Variants in IRX3 observed in about 807,000 individuals in gnomAD.
IRX3 encodes the protein iroquois-class homeodomain protein IRX-3.
In IRX3, 20 loss-of-function variants were observed where a neutral mutation model predicts 36.4. That is an observed-to-expected ratio of 0.55 (90% confidence interval 0.39 to 0.80). The LOEUF is 0.80. Among genes scored for constraint, IRX3 ranks in the 30% least tolerant of loss-of-function variants. The pLI, the probability that IRX3 is intolerant of heterozygous loss-of-function variation, is 0.00. For synonymous variants in IRX3, 404 were observed against 351.6 expected, an observed-to-expected ratio of 1.15 and a Z score of -1.67; for missense variants, 718 against 733.2, an observed-to-expected ratio of 0.98 and a Z score of 0.24.
In IRX3 at chr16:54,284,879, G is replaced by C. The variant is rs1271489658; in HGVS notation, c.1002C>G (p.Cys334Trp). 1 of 1,554,860 alleles carries C rather than the reference G, an allele frequency of 6.4e-7. No individual in the cohort carries two copies. Among genetic ancestry groups the C allele is most frequent in the Non-Finnish European group, 8.7e-7 (1 of 1,152,394 alleles). The change falls in exon 2 of 4, where the codon TGC becomes TGG. Residue 334 changes from cysteine to tryptophan, a missense_variant. By Grantham distance (215) the Cys-to-Trp change is radical (BLOSUM62 -2). Coordinates refer to ENST00000329734, the MANE Select transcript of IRX3 (RefSeq NM_024336.3). This position sits in a 1 kb window ranked among gnomAD's most constrained non-coding sequence, Gnocchi z 4.0. ...LPSPPVSLDP[C>W]APAPAPASAL... ...CGGAGGCGGGGGCTGGTGCGGGAGC[G>C]CAGGGGTCCAGGCTCACGGGGGGCG...
rs779557071 is a variant in IRX3 at position 54,284,623 on chromosome 16, G to A, written c.1258C>T (p.Pro420Ser). 11 of 1,376,162 alleles carry A rather than the reference G, an allele frequency of 8.0e-6. No homozygotes were observed. In the African/African-American group the frequency reaches 1.5e-4, roughly 19 times the overall value. The allele number at this position is 1,376,162 out of a possible 1,614,324, so 85.2% of individuals were successfully genotyped here. Reference protein sequence around the residue: ...NRPFPGPPPGPRLHPLSLLGS... With the variant: ...NRPFPGPPPGSRLHPLSLLGS... ...AGCAGGGAGAGCGGGTGCAGGCGGG[G>A]GCCGGGCGGTGGGCCTGGAAACGGC... is the stretch of plus-strand genomic sequence containing the variant. Residue 420 changes from proline (P) to serine (S), a missense_variant, in exon 2 of 4, where the codon CCC becomes TCC. Transcript: ENST00000329734. This position sits in a 1 kb window ranked among gnomAD's most constrained non-coding sequence, Gnocchi z 4.0.
Position 54,283,520 on chromosome 16 carries a change from G to A in IRX3, c.*166C>T. ...CAGAAGCGACTTGGGGAGGGCTGAG[G>A]AGGACTGGTTTTATTTCTTTTTCTT... On this transcript the variant is annotated 3_prime_UTR_variant, in exon 4 of 4. Transcript: ENST00000329734. The surrounding 1 kb of genome is among the most constrained non-coding windows in gnomAD (Gnocchi z 4.4). 1.8e-6 allele frequency: 1 copy of A among 544,832 alleles called. No homozygotes were observed. 33.7% of individuals were successfully genotyped at this position (544,832 alleles called of 1,614,324 possible).
In IRX3 at chr16:54,286,446, G is replaced by C. The variant is rs1006888793; in HGVS notation, c.-396C>G. The C allele has an allele frequency of 3.2e-6, 3 of 949,460 alleles. No homozygotes were observed. Among genetic ancestry groups the C allele is most frequent in the Non-Finnish European group, 3.8e-6 (3 of 797,322 alleles). The allele number at this position is 949,460 out of a possible 1,614,324, so 58.8% of individuals were successfully genotyped here. On this transcript the variant is annotated 5_prime_UTR_variant, in exon 1 of 4. Coordinates refer to ENST00000329734, the MANE Select transcript of IRX3 (RefSeq NM_024336.3). ...GCCTCGCTTCCTTCGCCCTCCTCTA[G>C]TTTTCACTCCCCCTCCTCGCCCTTC...
In IRX3 at chr16:54,285,461, G is replaced by T. The variant is rs1901304563; in HGVS notation, c.420C>A (p.Ser140Arg). The change falls in exon 2 of 4, where the codon AGC (serine) becomes AGA (arginine). Residue 140 changes from serine (S) to arginine (R), a missense_variant. Transcript: ENST00000329734. This position sits in a 1 kb window ranked among gnomAD's most constrained non-coding sequence, Gnocchi z 5.7. ...GCTCGTTGAGCCAGGCCTTCAGCGTGCTGGTGCTCTCCCTGGTGGCGTTCT... is the reference window on the plus strand; with the variant it reads ...GCTCGTTGAGCCAGGCCTTCAGCGTTCTGGTGCTCTCCCTGGTGGCGTTCT... The part of the protein sequence containing the change: ...RPKNATREST[S>R]TLKAWLNEHR... 1 of 1,614,050 alleles carries T rather than the reference G, an allele frequency of 6.2e-7. No homozygotes were observed. Among genetic ancestry groups the T allele is most frequent in the Non-Finnish European group, 8.5e-7 (1 of 1,180,044 alleles).
rs1228976878 is a variant in IRX3, at chr16:54,285,763, C to T, written c.267+21G>A. On this transcript the variant is annotated intron_variant, in intron 1 of 3. Transcript: ENST00000329734. The surrounding 1 kb of genome is among the most constrained non-coding windows in gnomAD (Gnocchi z 5.7). ...GCGCCCCAGCGCCAACCCCTCCTTC[C>T]CTGGCTCCGCGGGCTCTTACCAGCT... 1.3e-6 allele frequency: 2 copies of T among 1,520,228 alleles called. No homozygotes were observed. Among genetic ancestry groups the T allele is most frequent in the Admixed American group, 4.3e-5 (2 of 46,078 alleles). The allele number at this position is 1,520,228 out of a possible 1,614,324, so 94.2% of individuals were successfully genotyped here. A position where few individuals can be genotyped will look rare whatever the true frequency, so the allele number is the denominator to read the frequency against.
Position 54,284,704 on chromosome 16 carries a change from C to A in IRX3, c.1177G>T (p.Ala393Ser). The change falls in exon 2 of 4, where the codon GCC becomes TCC. Residue 393 changes from alanine to serine, a missense_variant. Physicochemically the swap from Ala to Ser is moderately conservative, Grantham distance 99. Coordinates refer to ENST00000329734, the MANE Select transcript of IRX3 (RefSeq NM_024336.3). This position sits in a 1 kb window ranked among gnomAD's most constrained non-coding sequence, Gnocchi z 4.0. ...GGCGCTGAGACCAGTCTGTGAGCGG[C>A]GGCGGCGGCGGCGGCCGGAGAGAGC... is the stretch of plus-strand genomic sequence containing the variant. Reference protein sequence around the residue: ...LQLSPAAAAAAAHRLVSAPLG... With the variant: ...LQLSPAAAAASAHRLVSAPLG... The A allele has an allele frequency of 7.0e-7, 1 of 1,422,992 alleles. No individual in the cohort carries two copies. Among genetic ancestry groups the A allele is most frequent in the Non-Finnish European group, 9.1e-7 (1 of 1,101,388 alleles). The allele number at this position is 1,422,992 out of a possible 1,614,324, so 88.1% of individuals were successfully genotyped here.
Position 54,284,805 on chromosome 16 carries a change from G to C in IRX3, c.1076C>G (p.Pro359Arg), listed in dbSNP as rs1439038025. 4.0e-6 allele frequency: 6 copies of C among 1,484,920 alleles called. No individual in the cohort carries two copies. The African/African-American group carries it at 4.3e-5, about 11-fold the overall frequency. 92.0% of individuals were successfully genotyped at this position (1,484,920 alleles called of 1,614,324 possible). ...IWSLAETATS[P>R]DNPRRSPPGA... Reference sequence around the variant, plus strand: ...GGGAGGCGAGCGGCGCGGGTTGTCCGGGCTTGTGGCAGTCTCCGCGAGGGA... The same window carrying C: ...GGGAGGCGAGCGGCGCGGGTTGTCCCGGCTTGTGGCAGTCTCCGCGAGGGA... The change falls in exon 2 of 4, where the codon CCG (proline) becomes CGG (arginine). Residue 359 changes from proline to arginine, a missense_variant. By Grantham distance (103) the Pro-to-Arg change is moderately radical (BLOSUM62 -2). Coordinates refer to ENST00000329734, the MANE Select transcript of IRX3 (RefSeq NM_024336.3). This position sits in a 1 kb window ranked among gnomAD's most constrained non-coding sequence, Gnocchi z 4.0.
In IRX3 at chr16:54,285,340, C is replaced by T; in HGVS notation, c.541G>A (p.Ala181Thr). ...LTQVSTWFAN[A>T]RRRLKKENKM... ...TTCTCCTTCTTGAGGCGCCGGCGCG[C>T]GTTGGCGAACCAGGTGGACACCTGG... The change falls in exon 2 of 4, where the codon GCG becomes ACG. Residue 181 changes from alanine to threonine, a missense_variant. Physicochemically the swap from Ala to Thr is moderately conservative, Grantham distance 58. Transcript: ENST00000329734. The surrounding 1 kb of genome is among the most constrained non-coding windows in gnomAD (Gnocchi z 5.7). 6.2e-7 allele frequency: 1 copy of T among 1,614,164 alleles called. No individual in the cohort carries two copies. Among genetic ancestry groups the T allele is most frequent in the Non-Finnish European group, 8.5e-7 (1 of 1,180,038 alleles).
chr16:54,285,199 G>A lies in IRX3; in HGVS notation c.682C>T (p.Leu228=), dbSNP rs747393408. Residue 228 remains leucine, a synonymous_variant, in exon 2 of 4, where the codon CTG becomes TTG. Transcript: ENST00000329734. This position sits in a 1 kb window ranked among gnomAD's most constrained non-coding sequence, Gnocchi z 5.7. ...TCCCCCCCGAGCTCCTCCTCCTCCA[G>A]CTCTAGCTCGCGTTTGCCGTCCTCC... ...DEEDGKRELE[L]EEEELGGEEE... 4 of 1,601,266 alleles carry A rather than the reference G, an allele frequency of 2.5e-6. No homozygotes were observed. The South Asian group carries it at 4.4e-5, about 18-fold the overall frequency.
In IRX3 at chr16:54,283,899, T is replaced by C; in HGVS notation, c.1452-159A>G. 1 of 985,252 alleles carries C rather than the reference T, an allele frequency of 1.0e-6. No individual in the cohort carries two copies. Among genetic ancestry groups the C allele is most frequent in the Non-Finnish European group, 1.2e-6 (1 of 829,882 alleles). The allele number at this position is 985,252 out of a possible 1,614,324, so 61.0% of individuals were successfully genotyped here. ...AGATGTGTGTGTTGGGGTTTAACTG[T>C]AGGGTGGGCACGAGGCGTCAGGACC... On this transcript the variant is annotated intron_variant, in intron 3 of 3. Transcript: ENST00000329734. The surrounding 1 kb of genome is among the most constrained non-coding windows in gnomAD (Gnocchi z 4.4).
chr16:54,285,071 C>G lies in IRX3; in HGVS notation c.810G>C (p.Leu270=). Reference sequence around the variant, plus strand: ...CGCCATCCCTGCGCGCCGCCCCAGCCAGGGACAGCTCAGGCTCGGTGGCCG... The same window carrying G: ...CGCCATCCCTGCGCGCCGCCCCAGCGAGGGACAGCTCAGGCTCGGTGGCCG... The part of the protein sequence containing the change: ...DGAATEPELS[L]AGAARRDGDL... Residue 270 remains leucine (L), a synonymous_variant, in exon 2 of 4, where the codon CTG becomes CTC. Coordinates refer to ENST00000329734, the MANE Select transcript of IRX3 (RefSeq NM_024336.3). The surrounding 1 kb of genome is among the most constrained non-coding windows in gnomAD (Gnocchi z 5.7). 6.2e-7 allele frequency: 1 copy of G among 1,613,940 alleles called. No individual in the cohort carries two copies. Among genetic ancestry groups the G allele is most frequent in the Non-Finnish European group, 8.5e-7 (1 of 1,179,984 alleles).
chr16:54,284,804 C>G lies in IRX3; in HGVS notation c.1077G>C (p.Pro359=), dbSNP rs1901277091. The G allele has an allele frequency of 1.3e-6, 2 of 1,484,464 alleles. No homozygotes were observed. Among genetic ancestry groups the G allele is most frequent in the Admixed American group, 5.1e-5 (2 of 38,972 alleles). The allele number at this position is 1,484,464 out of a possible 1,614,324, so 92.0% of individuals were successfully genotyped here. ...IWSLAETATS[P]DNPRRSPPGA... is the part of the protein sequence containing the mutation. ...CGGGAGGCGAGCGGCGCGGGTTGTCCGGGCTTGTGGCAGTCTCCGCGAGGG... is the reference window on the plus strand; with the variant it reads ...CGGGAGGCGAGCGGCGCGGGTTGTCGGGGCTTGTGGCAGTCTCCGCGAGGG... The change falls in exon 2 of 4, where the codon CCG becomes CCC. Residue 359 remains proline (P), a synonymous_variant. Transcript: ENST00000329734. This position sits in a 1 kb window ranked among gnomAD's most constrained non-coding sequence, Gnocchi z 4.0.
In IRX3 at chr16:54,286,064, G is replaced by T; in HGVS notation, c.-14C>A. On this transcript the variant is annotated 5_prime_UTR_variant, in exon 1 of 4. Coordinates refer to ENST00000329734, the MANE Select transcript of IRX3 (RefSeq NM_024336.3). Reference sequence around the variant, plus strand: ...GGGGAAGGACATGGTGGCCCGCGGGGCACGGACGGAGAGGGGGGCCGACCC... The same window carrying T: ...GGGGAAGGACATGGTGGCCCGCGGGTCACGGACGGAGAGGGGGGCCGACCC... 1.6e-6 allele frequency: 2 copies of T among 1,261,590 alleles called. No homozygotes were observed. Among genetic ancestry groups the T allele is most frequent in the Non-Finnish European group, 2.0e-6 (2 of 999,590 alleles). The allele number at this position is 1,261,590 out of a possible 1,614,324, so 78.1% of individuals were successfully genotyped here. A position where few individuals can be genotyped will look rare whatever the true frequency, so the allele number is the denominator to read the frequency against.
rs761357993 is a variant in IRX3, at chr16:54,285,152, C to G, written c.729G>C (p.Glu243Asp). The change falls in exon 2 of 4, where the codon GAG (glutamate) becomes GAC (aspartate). Residue 243 changes from glutamate to aspartate, a missense_variant. This residue lies in a region of IRX3 where 468 missense variants were observed against 462.1 expected (regional missense o/e 1.01). Coordinates refer to ENST00000329734, the MANE Select transcript of IRX3 (RefSeq NM_024336.3). This position sits in a 1 kb window ranked among gnomAD's most constrained non-coding sequence, Gnocchi z 5.7. ...CGTCCTCGTCGTCGTCAGCCAGGCCCTCGCCCCCCGTGTCCTCCTCCTCCC... is the reference window on the plus strand; with the variant it reads ...CGTCCTCGTCGTCGTCAGCCAGGCCGTCGCCCCCCGTGTCCTCCTCCTCCC... ...LGGEEEDTGG[E>D]GLADDDEDEE... The G allele has an allele frequency of 9.9e-6, 16 of 1,608,586 alleles. No individual in the cohort carries two copies. In the East Asian group the frequency reaches 2.9e-4, roughly 29 times the overall value.
chr16:54,285,161 C>A lies in IRX3; in HGVS notation c.720G>T (p.Thr240=). Residue 240 remains threonine, a synonymous_variant, in exon 2 of 4, where the codon ACG becomes ACT. Coordinates refer to ENST00000329734, the MANE Select transcript of IRX3 (RefSeq NM_024336.3). This position sits in a 1 kb window ranked among gnomAD's most constrained non-coding sequence, Gnocchi z 5.7. ...EEELGGEEED[T]GGEGLADDDE... The stretch of plus-strand genomic sequence containing the variant: ...CGTCGTCAGCCAGGCCCTCGCCCCC[C>A]GTGTCCTCCTCCTCCCCCCCGAGCT... 3 of 1,606,720 alleles carry A rather than the reference C, an allele frequency of 1.9e-6. No homozygotes were observed. The highest frequency in any genetic ancestry group is 2.5e-6 in the Non-Finnish European group (3 of 1,176,674).
Position 54,283,695 on chromosome 16 carries a change from G to A in IRX3, c.1497C>T (p.Ser499=), listed in dbSNP as rs775508740. Residue 499 remains serine (S), a synonymous_variant, in exon 4 of 4, where the codon TCC becomes TCT. Coordinates refer to ENST00000329734, the MANE Select transcript of IRX3 (RefSeq NM_024336.3). This position sits in a 1 kb window ranked among gnomAD's most constrained non-coding sequence, Gnocchi z 4.4. ...TGTTTTTTTTAAAGAACTAGGATGA[G>A]GAGAGAGCCGATAAGACCAGGGCGG... The part of the protein sequence containing the change: ...LDAALVLSAL[S]SS 1.5e-6 allele frequency: 2 copies of A among 1,321,548 alleles called. No individual in the cohort carries two copies. Among genetic ancestry groups the A allele is most frequent in the South Asian group, 2.3e-5 (2 of 85,416 alleles). The allele number at this position is 1,321,548 out of a possible 1,614,324, so 81.9% of individuals were successfully genotyped here. A position where few individuals can be genotyped will look rare whatever the true frequency, so the allele number is the denominator to read the frequency against.
Position 54,284,204 on chromosome 16 carries a change from G to T in IRX3, c.1451+42C>A, listed in dbSNP as rs763915415. The T allele has an allele frequency of 1.3e-6, 2 of 1,571,048 alleles. No individual in the cohort carries two copies. The highest frequency in any genetic ancestry group is 1.7e-6 in the Non-Finnish European group (2 of 1,145,882). On this transcript the variant is annotated intron_variant, in intron 3 of 3. Transcript: ENST00000329734. The surrounding 1 kb of genome is among the most constrained non-coding windows in gnomAD (Gnocchi z 4.0). The stretch of plus-strand genomic sequence containing the variant: ...GTGCTCGGCGTCCTCTCCTTTCCCC[G>T]CCAGCCAGTCCCCCTGGCCCCTCAA...
rs1245757597 is a variant in IRX3, at chr16:54,285,145, C to T, written c.736G>A (p.Ala246Thr). Residue 246 changes from alanine to threonine, a missense_variant, in exon 2 of 4, where the codon GCT becomes ACT. Transcript: ENST00000329734. The surrounding 1 kb of genome is among the most constrained non-coding windows in gnomAD (Gnocchi z 5.7). Reference protein sequence around the residue: ...EEEDTGGEGLADDDEDEEIDL... With the variant: ...EEEDTGGEGLTDDDEDEEIDL... ...ATCTCCTCGTCCTCGTCGTCGTCAG[C>T]CAGGCCCTCGCCCCCCGTGTCCTCC... 1.2e-5 allele frequency: 20 copies of T among 1,610,118 alleles called. No individual in the cohort carries two copies. Among genetic ancestry groups the T allele is most frequent in the Non-Finnish European group, 1.7e-5 (20 of 1,178,492 alleles).
chr16:54,286,386 G>T lies in IRX3; in HGVS notation c.-336C>A, dbSNP rs1324112817. Reference sequence around the variant, plus strand: ...CCGGAGCTGCCTCTGCCCGCTCCTCGCTCCTCACTGCCCTCCTCTCCCCAG... The same window carrying T: ...CCGGAGCTGCCTCTGCCCGCTCCTCTCTCCTCACTGCCCTCCTCTCCCCAG... On this transcript the variant is annotated 5_prime_UTR_variant, in exon 1 of 4. Coordinates refer to ENST00000329734, the MANE Select transcript of IRX3 (RefSeq NM_024336.3). 9 of 986,830 alleles carry T rather than the reference G, an allele frequency of 9.1e-6. No individual in the cohort carries two copies. The African/African-American group carries it at 1.2e-4, about 13-fold the overall frequency. 61.1% of individuals were successfully genotyped at this position (986,830 alleles called of 1,614,324 possible).
Sources: allele counts gnomAD v4.1 joint callset, GRCh38; gene constraint gnomAD v4.1.1; regional missense constraint gnomAD v4.1.1; non-coding constraint Gnocchi (gnomAD v3.1); transcripts MANE v1.5; gene names NCBI Gene and HGNC (gene_info 2026-07-23, HGNC 2026-07-21).